MDN1: variants seen among roughly 807,000 people sequenced by gnomAD.
MDN1 encodes the protein midasin.
Under a neutral mutation model 669.2 loss-of-function variants are expected in MDN1, and 266 were observed. The observed-to-expected ratio is 0.40, with a 90% CI of 0.36 to 0.44. MDN1 has a LOEUF of 0.44. MDN1 is among the 20% of genes least tolerant of loss of function. The pLI is 1.00. For missense variants in MDN1, 5,940 were observed against 6,754.0 expected, an observed-to-expected ratio of 0.88 and a Z score of 4.22; for synonymous variants, 2,385 against 2,457.1, an observed-to-expected ratio of 0.97 and a Z score of 0.87.
At chr6:89,809,153 G>A (rs971293442) in intron 1 of MDN1, among the ~76,000 whole-genome samples, 6 of 150,000 alleles carry the variant, frequency 4.0e-5, no homozygotes, top group African/African-American at 1.5e-4. Flanking sequence ...GAAGGTTGAG[G>A]GTGCAGTGAG....
At chr6:89,730,986 CAGGA>C in intron 34 of MDN1, 63 bp from the exon 35 acceptor site, 1 of 1,448,724 alleles carries the variant, frequency 6.9e-7, no homozygotes, top group Non-Finnish European at 9.5e-7. Context: ...CACCATTAAG[CAGGA>C]GCTCTAGCAC....
intron 29 of MDN1, among the ~76,000 whole-genome samples, chr6:89,744,006 G>A (rs1294750398): frequency 1.3e-5 from 2 of 151,674 alleles, no homozygotes; most frequent in African/African-American, 4.8e-5. Flanking sequence ...GGGAGGCTGA[G>A]GCAGGAGAAT....
intron 83 of MDN1, among the ~76,000 whole-genome samples, chr6:89,670,170 A>ATATATATATTTTTTTTTTT (rs1444537561): frequency 8.5e-5 from 2 of 23,414 alleles, no homozygotes; most frequent in Non-Finnish European, 1.2e-4. Context: ...ATATATATAT[A>ATATATATATTTTTTTTTTT]TTTTTTTTTT....
chr6:89,780,632 T>C (rs944236431), intron 10 of MDN1, among the ~76,000 whole-genome samples: 3 of 147,792 alleles, frequency 2.0e-5, no homozygotes, highest in Admixed American at 1.4e-4. Flanking sequence ...AATGAGGAGA[T>C]GCCATTTCCT....
At chr6:89,646,433 A>T in intron 100 of MDN1, 107 bp downstream of exon 100, 1 of 865,316 alleles carries the variant, frequency 1.2e-6, no homozygotes, top group Admixed American at 2.3e-5. Context: ...CCTGTGGAGC[A>T]TACCTATTAA....
chr6:89,729,233 T>C, intron 35 of MDN1, 94 bp from the exon 36 acceptor site: 1 of 945,744 alleles, frequency 1.1e-6, no homozygotes, highest in South Asian at 1.6e-5. Context: ...ACCACATGGG[T>C]TATCAGTTAG....
chr6:89,810,661 C>T (rs1390550465), intron 1 of MDN1, among the ~76,000 whole-genome samples: 2 of 152,116 alleles, frequency 1.3e-5, no homozygotes, highest in African/African-American at 4.8e-5. Context: ...TCTGTCATCG[C>T]CACATGGCCA....
chr6:89,761,460 T>G (rs1817543663), intron 17 of MDN1, among the ~76,000 whole-genome samples, 185 bp downstream of exon 17: 2 of 152,196 alleles, frequency 1.3e-5, no homozygotes, highest in South Asian at 2.1e-4. Flanking sequence ...TTTAAAATTT[T>G]TATTTAAATA....
chr6:89,688,878 T>C, intron 65 of MDN1, 70 bp from the exon 66 acceptor site: 2 of 1,301,610 alleles, frequency 1.5e-6, no homozygotes, highest in Non-Finnish European at 2.2e-6. Context: ...CAAAAAGATG[T>C]CAGCAACAGG....
At chr6:89,730,117 C>A (rs1055545731) in intron 35 of MDN1, among the ~76,000 whole-genome samples, 2 of 152,148 alleles carry the variant, frequency 1.3e-5, no homozygotes, top group Non-Finnish European at 2.9e-5. Flanking sequence ...AATCTAACTG[C>A]CTCATTTAAA....
At chr6:89,661,406 G>A in intron 88 of MDN1, 25 bp downstream of exon 88, 1 of 1,605,530 alleles carries the variant, frequency 6.2e-7, no homozygotes, top group East Asian at 2.2e-5. Context: ...GTTCTAACCG[G>A]TCTCTTTGTT....
chr6:89,712,295 A>C, intron 48 of MDN1, 39 bp from the exon 49 acceptor site: 1 of 1,514,800 alleles, frequency 6.6e-7, no homozygotes, highest in Non-Finnish European at 9.1e-7. Flanking sequence ...GTACTAGAAT[A>C]ACCTTTTATT....
chr6:89,707,074 C>T (rs1813565677), intron 52 of MDN1, among the ~76,000 whole-genome samples: 1 of 152,166 alleles, frequency 6.6e-6, no homozygotes, highest in Non-Finnish European at 1.5e-5. Context: ...TGAGCATCTC[C>T]GTGTCTCCGT....
chr6:89,704,052 A>G (rs191241966), intron 53 of MDN1, among the ~76,000 whole-genome samples: 6 of 151,592 alleles, frequency 4.0e-5, no homozygotes, highest in Admixed American at 3.9e-4. Context: ...ATATGTTGCC[A>G]TGATAAAATT....
chr6:89,705,089 A>T (rs1454371824), intron 53 of MDN1, among the ~76,000 whole-genome samples: 1 of 152,194 alleles, frequency 6.6e-6, no homozygotes, highest in Non-Finnish European at 1.5e-5. Flanking sequence ...TATCCCAAAC[A>T]ACATACTACA....
chr6:89,673,247 T>C lies in MDN1; in HGVS notation c.13463A>G (p.Asp4488Gly), dbSNP rs757360621. ...TTWKTHLLTS[D>G]SQGGNQMLDE... is the part of the protein sequence containing the mutation. ...ACAATATTCCTTACCTCCTTGGCTA[T>C]CTGAAGTAAGCAGATGGGTCTTCCA... Residue 4488 changes from aspartate to glycine, a missense_variant, in exon 80 of 102, where the codon GAT becomes GGT. Asp to Gly is a moderately conservative substitution (Grantham distance 94). Around this residue, in one of 5 missense-constraint regions of MDN1, gnomAD observed 2,280 missense variants for 2,576.3 expected, o/e 0.88. Coordinates refer to ENST00000369393, the MANE Select transcript of MDN1 (RefSeq NM_014611.3). The C allele has an allele frequency of 1.2e-6, 2 of 1,613,540 alleles. No homozygotes were observed. Among genetic ancestry groups the C allele is most frequent in the East Asian group, 2.2e-5 (1 of 44,884 alleles).
intron 88 of MDN1, 64 bp downstream of exon 88, chr6:89,661,367 G>A (rs1248368387): frequency 6.5e-7 from 1 of 1,541,186 alleles, no homozygotes; most frequent in Non-Finnish European, 8.8e-7. Flanking sequence ...GCTTTCAAAA[G>A]AGAAATCAAT....
intron 2 of MDN1, among the ~76,000 whole-genome samples, chr6:89,800,171 T>C (rs886376404): frequency 2.0e-5 from 3 of 151,454 alleles, no homozygotes; most frequent in Non-Finnish European, 2.9e-5. Flanking sequence ...CTCACACCTG[T>C]AATCCCAGGA....
intron 26 of MDN1, among the ~76,000 whole-genome samples, chr6:89,747,806 G>A (rs939895791): frequency 6.8e-6 from 1 of 147,214 alleles, no homozygotes; most frequent in Non-Finnish European, 1.5e-5. Flanking sequence ...GAGGAGAACC[G>A]CATGAACCCG....
Sources: allele counts gnomAD v4.1 joint callset (sites outside exome capture counted in the v4.1 genomes callset), GRCh38; gene constraint gnomAD v4.1.1; regional missense constraint gnomAD v4.1.1; transcripts MANE v1.5; gene names NCBI Gene and HGNC (gene_info 2026-07-23, HGNC 2026-07-21).